PCDH15: variants seen among roughly 807,000 people sequenced by gnomAD.
PCDH15 encodes protocadherin-15.
A neutral mutation model predicts 178.5 loss-of-function variants in PCDH15; 129 were observed. The ratio of observed to expected loss-of-function variants is 0.72; its 90% CI spans 0.63 to 0.84. The LOEUF (loss-of-function observed/expected upper bound fraction) is 0.84. Ranked by LOEUF, PCDH15 falls within the 40% of genes least tolerant of loss-of-function variation. PCDH15 has a pLI of 0.00. For missense variants in PCDH15, 2,230 were observed against 2,099.9 expected (o/e 1.06, Z -1.21); for synonymous variants, 800 against 732.0 (o/e 1.09, Z -1.50).
At chr10:54,318,730 GT>G (rs572706997) in intron 7 of PCDH15, among the ~76,000 whole-genome samples, 8 of 152,242 alleles carry the variant, frequency 5.3e-5, no homozygotes, top group Non-Finnish European at 8.8e-5. Flanking sequence ...TTTATCTGGT[GT>G]TTTCCTCAAG....
intron 1 of PCDH15, among the ~76,000 whole-genome samples, chr10:55,246,145 T>G (rs1266242588): frequency 6.6e-6 from 1 of 152,216 alleles, no homozygotes; most frequent in East Asian, 1.9e-4. Context: ...CTTTCTTCAA[T>G]TAAGAGATAA....
intron 2 of PCDH15, among the ~76,000 whole-genome samples, chr10:55,521,914 G>C (rs1392226012): frequency 6.6e-6 from 1 of 151,922 alleles, no homozygotes; most frequent in Non-Finnish European, 1.5e-5. Context: ...CATCATGAGA[G>C]AGTATCATGT....
chr10:54,239,912 A>G (rs2055058569), intron 8 of PCDH15, among the ~76,000 whole-genome samples: 1 of 152,142 alleles, frequency 6.6e-6, no homozygotes, highest in Admixed American at 6.5e-5. Flanking sequence ...ACTGTGCTCC[A>G]TGAAGCTTGA....
intron 3 of PCDH15, among the ~76,000 whole-genome samples, chr10:54,470,822 T>G (rs1199731427): frequency 6.6e-6 from 1 of 152,184 alleles, no homozygotes; most frequent in East Asian, 1.9e-4. Flanking sequence ...GCATTTTTTC[T>G]TAGGTGATCT....
intron 19 of PCDH15, among the ~76,000 whole-genome samples, chr10:54,022,119 T>C (rs928724769): frequency 7.4e-6 from 1 of 134,776 alleles, no homozygotes; most frequent in African/African-American, 3.3e-5. Context: ...AAATGGCTAC[T>C]TTTTTTTTTT....
chr10:55,277,146 C>A (rs945589858), intron 1 of PCDH15, among the ~76,000 whole-genome samples: 1 of 151,896 alleles, frequency 6.6e-6, no homozygotes, highest in African/African-American at 2.4e-5. Flanking sequence ...TATACTATCA[C>A]GACCTATATT....
At chr10:54,307,104 G>GTGTATATA (rs1369260057) in intron 8 of PCDH15, among the ~76,000 whole-genome samples, 1 of 26,580 alleles carries the variant, frequency 3.8e-5, no homozygotes, top group African/African-American at 1.7e-4. Flanking sequence ...GTGTGTGTGT[G>GTGTATATA]TATATATATA....
chr10:55,517,044 G>C (rs2132158800), intron 2 of PCDH15, among the ~76,000 whole-genome samples: 1 of 151,770 alleles, frequency 6.6e-6, no homozygotes, highest in Non-Finnish European at 1.5e-5. Context: ...AGAAATATAG[G>C]AATAAAGCTA....
At chr10:55,582,633 T>A (rs1284546281) in intron 2 of PCDH15, among the ~76,000 whole-genome samples, 43 of 140,040 alleles carry the variant, frequency 3.1e-4, no homozygotes, top group African/African-American at 1.1e-3. Context: ...TATATATTTT[T>A]TTTTTTTTGC....
intron 35 of PCDH15, among the ~76,000 whole-genome samples, chr10:53,812,971 T>C (rs2075928388): frequency 6.6e-6 from 1 of 152,208 alleles, no homozygotes; most frequent in African/African-American, 2.4e-5. Context: ...ATGATTGATA[T>C]GGATAAAGAC....
At chr10:54,457,736 CATAAA>C (rs1385579248) in intron 3 of PCDH15, among the ~76,000 whole-genome samples, 1 of 151,906 alleles carries the variant, frequency 6.6e-6, no homozygotes, top group African/African-American at 2.4e-5. Context: ...GTCATAAGCC[CATAAA>C]ATAAAGTAAT....
chr10:54,090,770 T>A (rs1034992877), intron 15 of PCDH15, among the ~76,000 whole-genome samples: 1 of 152,174 alleles, frequency 6.6e-6, no homozygotes, highest in Non-Finnish European at 1.5e-5. Context: ...ACTTTCTGGT[T>A]AAAAATCCTG....
At chr10:55,372,757 C>T (rs543871355) in intron 2 of PCDH15, among the ~76,000 whole-genome samples, 47 of 152,226 alleles carry the variant, frequency 3.1e-4, no homozygotes, top group African/African-American at 1.1e-3. Context: ...TATGAAGATG[C>T]CCTTCTGACA....
intron 2 of PCDH15, among the ~76,000 whole-genome samples, chr10:54,615,612 ACTGT>A (rs2093115515): frequency 6.6e-6 from 1 of 152,092 alleles, no homozygotes; most frequent in South Asian, 2.1e-4. Context: ...CAAATAAGAC[ACTGT>A]CTATCTCTAT....
At chr10:54,122,287 C>A (rs779277312) in intron 15 of PCDH15, among the ~76,000 whole-genome samples, 1 of 151,902 alleles carries the variant, frequency 6.6e-6, no homozygotes, top group Non-Finnish European at 1.5e-5. Context: ...CCTCGAGAGA[C>A]GCGGAAAAAG....
intron 2 of PCDH15, among the ~76,000 whole-genome samples, chr10:55,058,633 T>C (rs1841362005): frequency 6.6e-6 from 1 of 152,210 alleles, no homozygotes; most frequent in Non-Finnish European, 1.5e-5. Context: ...ACATAATGTA[T>C]GTTTTTTTAT....
Position 54,236,818 on chromosome 10 carries a change from C to T in PCDH15, c.985+5G>A. 5 of 1,603,082 alleles carry T rather than the reference C, an allele frequency of 3.1e-6. No individual in the cohort carries two copies. The highest frequency in any genetic ancestry group is 4.3e-6 in the Non-Finnish European group (5 of 1,170,186). The stretch of plus-strand genomic sequence containing the variant: ...TGATAGTGTAAAATGTTATCAGATA[C>T]AAACCAACAAGGATGGAATAGAGGA... On this transcript the variant is annotated splice_donor_5th_base_variant and intron_variant, in intron 9 of 37. Coordinates refer to ENST00000644397, the MANE Select transcript of PCDH15 (RefSeq NM_001384140.1).
chr10:55,584,931 GT>G (rs926428642), intron 2 of PCDH15, among the ~76,000 whole-genome samples: 22 of 149,906 alleles, frequency 1.5e-4, no homozygotes, highest in South Asian at 4.2e-4. Context: ...GTAATATATA[GT>G]TTTTTTTTAA....
intron 2 of PCDH15, among the ~76,000 whole-genome samples, chr10:55,496,363 A>G (rs1840534562): frequency 6.6e-6 from 1 of 151,624 alleles, no homozygotes; most frequent in Non-Finnish European, 1.5e-5. Flanking sequence ...ATAAATAATA[A>G]CACAGCTTTG....
Sources: allele counts gnomAD v4.1 joint callset (sites outside exome capture counted in the v4.1 genomes callset), GRCh38; gene constraint gnomAD v4.1.1; transcripts MANE v1.5; gene names NCBI Gene and HGNC (gene_info 2026-07-23, HGNC 2026-07-21).